The following INPP5A variants were observed in gnomAD, a reference collection of about 807,000 sequenced individuals.
INPP5A encodes the protein 43 kDa inositol polyphosphate 5-phophatase.
A neutral mutation model predicts 65.2 loss-of-function variants in INPP5A; 14 were observed. The observed-to-expected ratio is 0.21, with a 90% CI of 0.14 to 0.34. INPP5A has a LOEUF of 0.34. Among genes scored for constraint, INPP5A ranks in the 10% least tolerant of loss-of-function variants. INPP5A has a pLI of 1.00. For synonymous variants in INPP5A, 207 were observed against 208.3 expected (o/e 0.99, Z 0.05); for missense variants, 431 against 545.6 (o/e 0.79, Z 2.09).
chr10:132,591,410 C>T (rs1485750281), intron 1 of INPP5A, among the ~76,000 whole-genome samples: 11 of 152,320 alleles, frequency 7.2e-5, no homozygotes, highest in Non-Finnish European at 1.6e-4. Flanking sequence ...TTTCTGCGCT[C>T]GCTTGGAGAG....
intron 2 of INPP5A, among the ~76,000 whole-genome samples, chr10:132,611,276 GAT>G (rs2071944602): frequency 7.2e-6 from 1 of 139,348 alleles, no homozygotes; most frequent in African/African-American, 2.7e-5. Context: ...GTCAGAGGAG[GAT>G]GAGGGAGGTG....
chr10:132,700,762 A>G (rs1351078100), intron 6 of INPP5A, among the ~76,000 whole-genome samples: 1 of 152,262 alleles, frequency 6.6e-6, no homozygotes, highest in African/African-American at 2.4e-5. Context: ...ACTTAAGGGT[A>G]ATCTAAATGT....
At chr10:132,653,157 G>A (rs1320228046) in intron 4 of INPP5A, among the ~76,000 whole-genome samples, 4 of 152,356 alleles carry the variant, frequency 2.6e-5, no homozygotes, top group East Asian at 3.9e-4. Flanking sequence ...ACCTGAGAGC[G>A]AGGCACACAT....
chr10:132,657,265 C>T (rs1450131213), intron 4 of INPP5A, among the ~76,000 whole-genome samples: 1 of 152,242 alleles, frequency 6.6e-6, no homozygotes, highest in African/African-American at 2.4e-5. Context: ...CCCGCTAGCG[C>T]TGCCTTTGCA....
At chr10:132,699,359 G>T (rs1024270375) in intron 6 of INPP5A, among the ~76,000 whole-genome samples, 16 of 143,642 alleles carry the variant, frequency 1.1e-4, no homozygotes, top group African/African-American at 4.0e-4. Flanking sequence ...GTGGGTGCTG[G>T]GGTGGGGGGG....
chr10:132,618,306 A>T (rs2072067764), intron 2 of INPP5A, among the ~76,000 whole-genome samples: 1 of 152,142 alleles, frequency 6.6e-6, no homozygotes, highest in Admixed American at 6.5e-5. Context: ...TCACGGATGC[A>T]AGGCTGGCAC....
intron 1 of INPP5A, among the ~76,000 whole-genome samples, chr10:132,544,915 C>G (rs1414659005): frequency 1.3e-5 from 2 of 152,098 alleles, no homozygotes; most frequent in Admixed American, 1.3e-4. Flanking sequence ...GTTTAGATCA[C>G]CCGGGTTAGG....
At position 132,765,214 on chromosome 10, in the gene INPP5A, C is replaced by T. The variant is rs117104090; in HGVS notation, c.904-559C>T. Reference sequence around the variant, plus strand: ...TCCTGCAGGTGTGGGAGGTGATGCCCGCCTGGGGCTTGTTTTGGAAGAGTC... The same window carrying T: ...TCCTGCAGGTGTGGGAGGTGATGCCTGCCTGGGGCTTGTTTTGGAAGAGTC... On this transcript the variant is annotated intron_variant, in intron 11 of 15. Transcript: ENST00000368594. Among the ~76,000 whole-genome samples, 1,017 of 152,280 alleles carry T rather than the reference C, an allele frequency of 6.7e-3. 5 individuals carry two copies. Among genetic ancestry groups the T allele is most frequent in the Middle Eastern group, 0.017 (5 of 294 alleles).
In INPP5A at chr10:132,762,138, GC is replaced by G. The variant is rs1327796162; in HGVS notation, c.904-3634del. ...GGCAGGATGGGACAGGAGGGTCGGG[GC>G]TGGGAGAGGAGGGAAGAGCCCAGCG... On this transcript the variant is annotated intron_variant, in intron 11 of 15. Coordinates refer to ENST00000368594, the MANE Select transcript of INPP5A (RefSeq NM_005539.5). The surrounding 1 kb of genome is among the most constrained non-coding windows in gnomAD (Gnocchi z 4.6). Among the ~76,000 whole-genome samples the G allele has an allele frequency of 2.6e-5, 4 of 152,208 alleles. No individual in the cohort carries two copies. The highest frequency in any genetic ancestry group is 9.7e-5 in the African/African-American group (4 of 41,446).
At chr10:132,617,723 A>T (rs1166172690) in intron 2 of INPP5A, among the ~76,000 whole-genome samples, 8 of 152,242 alleles carry the variant, frequency 5.3e-5, no homozygotes, top group Admixed American at 5.2e-4. Context: ...ACTGCCTGCC[A>T]CACAGAAGTC....
At position 132,568,911 on chromosome 10, in the gene INPP5A, A is replaced by ATTT. The variant is rs1171904388; in HGVS notation, c.75+30760_75+30762dup. Reference sequence around the variant, plus strand: ...TAGATCACAATATGTTCTTACCGGCATTTTTTTTTTTTTTTTTTTTTTGAG... The same window carrying ATTT: ...TAGATCACAATATGTTCTTACCGGCATTTTTTTTTTTTTTTTTTTTTTTTTGAG... On this transcript the variant is annotated intron_variant, in intron 1 of 15. Transcript: ENST00000368594. Among the ~76,000 whole-genome samples the ATTT allele has an allele frequency of 4.1e-3, 525 of 129,024 alleles. 11 individuals carry two copies. Among genetic ancestry groups the ATTT allele is most frequent in the African/African-American group, 0.013 (452 of 34,836 alleles). The allele number at this position is 129,024 out of a possible 152,430, so 84.6% of individuals were successfully genotyped here.
At chr10:132,712,953 T>C (rs376022486) in intron 8 of INPP5A, among the ~76,000 whole-genome samples, 3 of 150,022 alleles carry the variant, frequency 2.0e-5, no homozygotes, top group East Asian at 3.9e-4. Flanking sequence ...GGCGTGTGGG[T>C]GTGTGGGTGC....
At chr10:132,748,123 ACT>A (rs1846404757) in intron 9 of INPP5A, among the ~76,000 whole-genome samples, 1 of 151,736 alleles carries the variant, frequency 6.6e-6, no homozygotes, top group African/African-American at 2.4e-5. Context: ...CCAATTCTAG[ACT>A]CTCTCTCCAT....
intron 6 of INPP5A, among the ~76,000 whole-genome samples, chr10:132,702,577 C>T (rs1439119836): frequency 6.6e-6 from 1 of 152,212 alleles, no homozygotes; most frequent in African/African-American, 2.4e-5. Flanking sequence ...TGGGCATGCT[C>T]AGTTTGGGGT....
At chr10:132,653,910 C>G (rs754310931) in intron 4 of INPP5A, among the ~76,000 whole-genome samples, 1 of 152,246 alleles carries the variant, frequency 6.6e-6, no homozygotes, top group Non-Finnish European at 1.5e-5. Context: ...CCTCAAGAAG[C>G]CGCTGTGTAC....
intron 8 of INPP5A, among the ~76,000 whole-genome samples, chr10:132,720,856 G>C (rs546251821): frequency 6.8e-6 from 1 of 147,126 alleles, no homozygotes; most frequent in African/African-American, 2.5e-5. Flanking sequence ...CACCTTAGAC[G>C]GCTGTCTTCA....
At chr10:132,743,561 G>A (rs529359282) in intron 9 of INPP5A, among the ~76,000 whole-genome samples, 7 of 152,350 alleles carry the variant, frequency 4.6e-5, no homozygotes, top group South Asian at 2.1e-4. Context: ...CATTTGTCCC[G>A]TGAGTATCAA....
intron 8 of INPP5A, among the ~76,000 whole-genome samples, chr10:132,715,575 A>G (rs150729152): frequency 1.3e-5 from 2 of 152,318 alleles, no homozygotes; most frequent in East Asian, 3.9e-4. Context: ...GAGGGCCATC[A>G]GTTAGCTGTC....
At chr10:132,696,929 G>C (rs111723201) in intron 5 of INPP5A, among the ~76,000 whole-genome samples, 5 of 152,354 alleles carry the variant, frequency 3.3e-5, no homozygotes, top group African/African-American at 1.2e-4. Flanking sequence ...GGCCCATGGT[G>C]CTGTGGTCCT....
Sources: allele counts gnomAD v4.1 joint callset (sites outside exome capture counted in the v4.1 genomes callset), GRCh38; gene constraint gnomAD v4.1.1; non-coding constraint Gnocchi (gnomAD v3.1); transcripts MANE v1.5; gene names NCBI Gene and HGNC (gene_info 2026-07-23, HGNC 2026-07-21).